Variants in KCNN3 observed in about 807,000 individuals in gnomAD.
KCNN3 encodes potassium calcium-activated channel subfamily N member 3.
KCNN3 carries 16 observed loss-of-function variants against 62.9 expected under a neutral mutation model. That is an observed-to-expected ratio of 0.25 (90% CI 0.17 to 0.39). The LOEUF (loss-of-function observed/expected upper bound fraction) is 0.39. KCNN3 is among the 10% of genes least tolerant of loss of function. KCNN3 has a pLI of 1.00. For synonymous variants in KCNN3, 370 were observed against 389.2 expected (o/e 0.95, Z 0.58); for missense variants, 599 against 949.4 (o/e 0.63, Z 4.85).
intron 1 of KCNN3, among the ~76,000 whole-genome samples, chr1:154,840,300 T>G (rs1325181546): frequency 6.6e-6 from 1 of 152,156 alleles, no homozygotes; most frequent in African/African-American, 2.4e-5. Context: ...ACTGTGTTTT[T>G]GGGGTGGTAA....
intron 3 of KCNN3, among the ~76,000 whole-genome samples, chr1:154,744,470 C>T (rs1288279019): frequency 6.6e-6 from 1 of 152,244 alleles, no homozygotes; most frequent in Non-Finnish European, 1.5e-5. Context: ...GGAGGCAGCA[C>T]CCGTGTGCCT....
intron 1 of KCNN3, among the ~76,000 whole-genome samples, chr1:154,850,300 T>C (rs1310814737): frequency 6.6e-6 from 1 of 152,220 alleles, no homozygotes; most frequent in African/African-American, 2.4e-5. Flanking sequence ...ACTGAAGTCC[T>C]GCAACCAACA....
intron 2 of KCNN3, among the ~76,000 whole-genome samples, chr1:154,810,490 C>T (rs186935794): frequency 7.2e-5 from 11 of 152,286 alleles, no homozygotes; most frequent in Non-Finnish European, 1.6e-4. Context: ...GAAACTGAAG[C>T]GGGTCCCAGT....
chr1:154,840,229 G>A (rs1651771951), intron 1 of KCNN3, among the ~76,000 whole-genome samples: 1 of 152,150 alleles, frequency 6.6e-6, no homozygotes, highest in South Asian at 2.1e-4. Flanking sequence ...AGTGCACTTT[G>A]GATAGGATTT....
At chr1:154,771,714 T>G (rs1648566960) in intron 3 of KCNN3, among the ~76,000 whole-genome samples, 1 of 152,204 alleles carries the variant, frequency 6.6e-6, no homozygotes. Flanking sequence ...CAGAATGCTT[T>G]GATATATTGG....
chr1:154,757,690 T>A (rs947808323), intron 3 of KCNN3, among the ~76,000 whole-genome samples: 9 of 152,124 alleles, frequency 5.9e-5, no homozygotes, highest in African/African-American at 2.2e-4. Flanking sequence ...GGGCACTATG[T>A]TCGTTCTGGG....
chr1:154,847,932 C>A (rs989619580), intron 1 of KCNN3, among the ~76,000 whole-genome samples: 5 of 152,364 alleles, frequency 3.3e-5, no homozygotes, highest in Admixed American at 2.0e-4. Flanking sequence ...GCCAGTCACT[C>A]CCCCAGCTCC....
intron 5 of KCNN3, among the ~76,000 whole-genome samples, chr1:154,717,975 T>C (rs994315615): frequency 6.6e-6 from 1 of 152,096 alleles, no homozygotes; most frequent in Admixed American, 6.5e-5. Context: ...CTTCCTCAGA[T>C]TTGCCGAGCC....
At chr1:154,850,118 T>C (rs955954857) in intron 1 of KCNN3, among the ~76,000 whole-genome samples, 9 of 152,164 alleles carry the variant, frequency 5.9e-5, no homozygotes, top group African/African-American at 1.9e-4. Context: ...CTGTTCCCTC[T>C]GCACCATCTC....
At chr1:154,749,045 A>T (rs1701000566) in intron 3 of KCNN3, among the ~76,000 whole-genome samples, 1 of 152,156 alleles carries the variant, frequency 6.6e-6, no homozygotes, top group Non-Finnish European at 1.5e-5. Flanking sequence ...GGAGGTGGAG[A>T]CCTAAAAAGG....
chr1:154,828,072 A>G (rs2101899715), intron 1 of KCNN3, among the ~76,000 whole-genome samples: 1 of 152,240 alleles, frequency 6.6e-6, no homozygotes, highest in East Asian at 1.9e-4. Flanking sequence ...ACCTCTGACC[A>G]GCCTGAGAAG....
At chr1:154,734,321 G>T (rs529123105) in intron 3 of KCNN3, among the ~76,000 whole-genome samples, 2 of 152,222 alleles carry the variant, frequency 1.3e-5, no homozygotes, top group African/African-American at 2.4e-5. Context: ...GGAGGCCACT[G>T]GATGGGGAAA....
At chr1:154,711,401 A>G (rs1212285104) in intron 7 of KCNN3, among the ~76,000 whole-genome samples, 7 of 149,900 alleles carry the variant, frequency 4.7e-5, no homozygotes, top group African/African-American at 1.7e-4. Context: ...TTAAATGACG[A>G]GTTAATGGGT....
chr1:154,750,668 G>A (rs74115859), intron 3 of KCNN3, among the ~76,000 whole-genome samples: 75 of 152,148 alleles, frequency 4.9e-4, no homozygotes, highest in African/African-American at 1.5e-3. Context: ...TGGAGAGCTG[G>A]TTAGGTAGGG....
intron 1 of KCNN3, among the ~76,000 whole-genome samples, chr1:154,854,808 T>C (rs1385384101): frequency 6.6e-6 from 1 of 152,252 alleles, no homozygotes; most frequent in Non-Finnish European, 1.5e-5. Context: ...TGCATCTTTT[T>C]AAATAAATAT....
intron 1 of KCNN3, among the ~76,000 whole-genome samples, chr1:154,841,040 C>T (rs572074828): frequency 6.6e-6 from 1 of 152,310 alleles, no homozygotes; most frequent in Non-Finnish European, 1.5e-5. Flanking sequence ...CAGGCCCCGA[C>T]CTAATCAGGA....
chr1:154,771,824 C>G (rs1648570582), intron 3 of KCNN3, 151 bp downstream of exon 3: 1 of 804,434 alleles, frequency 1.2e-6, no homozygotes, highest in Non-Finnish European at 2.1e-6. Flanking sequence ...AACCCCAACT[C>G]AGCACTCCCC....
At position 154,870,086 on chromosome 1, in the gene KCNN3, C is replaced by T. The variant is rs1352281118; in HGVS notation, c.-122G>A. ...CCCCACCAGTATCTTGGCTCCAGTC[C>T]TCTCTTTGGCTTGCTTCGGTTCTCT... On this transcript the variant is annotated 5_prime_UTR_variant, in exon 1 of 8. Coordinates refer to ENST00000271915, the MANE Select transcript of KCNN3 (RefSeq NM_002249.6). The T allele has an allele frequency of 4.2e-6, 5 of 1,187,184 alleles. No homozygotes were observed. The highest frequency in any genetic ancestry group is 2.5e-5 in the East Asian group (1 of 39,250). The allele number at this position is 1,187,184 out of a possible 1,614,324, so 73.5% of individuals were successfully genotyped here. A position where few individuals can be genotyped will look rare whatever the true frequency, so the allele number is the denominator to read the frequency against.
chr1:154,736,502 C>T (rs1571224259), intron 3 of KCNN3, among the ~76,000 whole-genome samples: 1 of 152,236 alleles, frequency 6.6e-6, no homozygotes, highest in East Asian at 1.9e-4. Context: ...ACATGAAAGA[C>T]TGACTAAAGG....
Sources: allele counts gnomAD v4.1 joint callset (sites outside exome capture counted in the v4.1 genomes callset), GRCh38; gene constraint gnomAD v4.1.1; transcripts MANE v1.5; gene names NCBI Gene and HGNC (gene_info 2026-07-23, HGNC 2026-07-21).